Variants in TRAPPC8 observed in about 807,000 individuals in gnomAD.
TRAPPC8 encodes trafficking protein particle complex subunit 8, also known as general sporulation gene 1 homolog.
In TRAPPC8, 54 loss-of-function variants were observed where a neutral mutation model predicts 174.3. The observed-to-expected ratio is 0.31, with a 90% confidence interval of 0.25 to 0.39. The LOEUF (loss-of-function observed/expected upper bound fraction) is 0.39, where lower values mean the gene tolerates loss of function less well. Among genes scored for constraint, TRAPPC8 ranks in the 10% least tolerant of loss-of-function variants. The pLI is 1.00. For missense variants in TRAPPC8, 1,531 were observed against 1,699.1 expected (o/e 0.90, Z 1.74); for synonymous variants, 630 against 579.9 (o/e 1.09, Z -1.24).
At chr18:31,843,711 G>C (rs557811231) in intron 26 of TRAPPC8, among the ~76,000 whole-genome samples, 1 of 152,248 alleles carries the variant, frequency 6.6e-6, no homozygotes, top group South Asian at 2.1e-4. Flanking sequence ...ACTATCCCAA[G>C]AGGTTGTAGT....
chr18:31,890,701 T>C (rs201593846), intron 12 of TRAPPC8, 34 bp downstream of exon 12: 4 of 1,578,808 alleles, frequency 2.5e-6, no homozygotes, highest in East Asian at 2.3e-5. Flanking sequence ...ATAAAATAAA[T>C]AGCAACTTTT....
At chr18:31,929,042 C>A (rs530442269) in intron 2 of TRAPPC8, among the ~76,000 whole-genome samples, 1 of 151,700 alleles carries the variant, frequency 6.6e-6, no homozygotes, top group Non-Finnish European at 1.5e-5. Flanking sequence ...ATTAGCTGGG[C>A]GTGGTGGTGG....
At chr18:31,872,121 T>C (rs1377958533) in intron 14 of TRAPPC8, among the ~76,000 whole-genome samples, 1 of 152,152 alleles carries the variant, frequency 6.6e-6, no homozygotes, top group Non-Finnish European at 1.5e-5. Flanking sequence ...CATCCTTCAT[T>C]CCCTACCCTC....
chr18:31,839,160 C>A, intron 27 of TRAPPC8, 152 bp downstream of exon 27: 1 of 599,174 alleles, frequency 1.7e-6, no homozygotes, highest in Non-Finnish European at 2.6e-6. Context: ...ATTGTCTAAA[C>A]TTGAACTGTT....
chr18:31,938,513 C>T (rs116454336), intron 1 of TRAPPC8, among the ~76,000 whole-genome samples: 1,543 of 152,184 alleles, frequency 0.01, 28 homozygotes, highest in African/African-American at 0.035. Flanking sequence ...ATCTCTTCTA[C>T]CAACCCTCTC....
rs758444311 is a variant in TRAPPC8 at position 31,907,440 on chromosome 18, T to C, written c.1389+20A>G. On this transcript the variant is annotated intron_variant, in intron 9 of 28. Transcript: ENST00000283351. ...TTATGGTAGCAGAATTAAGGAATTATAATACCATAGAATACCAACCAAGGC... is the reference window on the plus strand; with the variant it reads ...TTATGGTAGCAGAATTAAGGAATTACAATACCATAGAATACCAACCAAGGC... The C allele has an allele frequency of 3.9e-6, 6 of 1,552,430 alleles. No homozygotes were observed. Among genetic ancestry groups the C allele is most frequent in the Non-Finnish European group, 5.2e-6 (6 of 1,148,644 alleles).
At chr18:31,851,382 G>C (rs1021262296) in intron 24 of TRAPPC8, among the ~76,000 whole-genome samples, 4 of 152,126 alleles carry the variant, frequency 2.6e-5, no homozygotes, top group Non-Finnish European at 4.4e-5. Context: ...CCTCACCTAG[G>C]AGCTTGTAAC....
chr18:31,892,918 G>C (rs1430739028), intron 11 of TRAPPC8, among the ~76,000 whole-genome samples: 1 of 151,844 alleles, frequency 6.6e-6, no homozygotes. Context: ...TTGGGAGGCT[G>C]AGGCAGGAGA....
At chr18:31,919,929 T>TA (rs987369734) in intron 2 of TRAPPC8, among the ~76,000 whole-genome samples, 7 of 151,876 alleles carry the variant, frequency 4.6e-5, no homozygotes, top group African/African-American at 1.2e-4. Context: ...ATCTACATTT[T>TA]AAAAAAAGGC....
Position 31,880,088 on chromosome 18 carries a change from AAAATAT to A in TRAPPC8, c.1729-5390_1729-5385del, listed in dbSNP as rs1423632773. Among the ~76,000 whole-genome samples, 9 of 61,472 alleles carry A rather than the reference AAAATAT, an allele frequency of 1.5e-4. No individual in the cohort carries two copies. In the East Asian group the frequency reaches 1.8e-3, roughly 12 times the overall value. 40.3% of individuals were successfully genotyped at this position (61,472 alleles called of 152,430 possible). On this transcript the variant is annotated intron_variant, in intron 12 of 28. Transcript: ENST00000283351. ...AATTTTACTGAAACTATTGAAAAAA[AAAATAT>A]ATATATATATATATATATATATATA...
At chr18:31,840,640 C>T (rs2033040905) in intron 26 of TRAPPC8, among the ~76,000 whole-genome samples, 1 of 152,184 alleles carries the variant, frequency 6.6e-6, no homozygotes, top group Non-Finnish European at 1.5e-5. Flanking sequence ...GAAACGCAGC[C>T]ACATCCATTT....
chr18:31,886,692 T>G (rs1479131774), intron 12 of TRAPPC8, among the ~76,000 whole-genome samples: 1 of 152,116 alleles, frequency 6.6e-6, no homozygotes. Flanking sequence ...TATAAACAAC[T>G]TCTGGGGGTG....
chr18:31,890,573 T>G (rs2035910507), intron 12 of TRAPPC8, among the ~76,000 whole-genome samples, 162 bp downstream of exon 12: 1 of 152,106 alleles, frequency 6.6e-6, no homozygotes, highest in Middle Eastern at 3.2e-3. Context: ...AGATCAAAAT[T>G]TATAGCCAGA....
chr18:31,883,224 G>GAAAAAAAA (rs397858732), intron 12 of TRAPPC8: 1 of 96,730 alleles, frequency 1.0e-5, no homozygotes. Context: ...CTTCATCTCA[G>GAAAAAAAA]AAAAAAAAAA....
intron 16 of TRAPPC8, 111 bp from the exon 17 acceptor site, chr18:31,867,587 ACTTGGTT>A: frequency 1.5e-6 from 1 of 686,586 alleles, no homozygotes; most frequent in South Asian, 2.6e-5. Context: ...GTCTGCATTT[ACTTGGTT>A]TTTACCACAT....
intron 19 of TRAPPC8, among the ~76,000 whole-genome samples, chr18:31,859,589 C>T (rs998869552): frequency 6.6e-6 from 1 of 152,030 alleles, no homozygotes; most frequent in African/African-American, 2.4e-5. Context: ...CATAGAGACA[C>T]CTAGATACCA....
chr18:31,932,997 C>CAAAAAAAA lies in TRAPPC8; in HGVS notation c.158-1482_158-1475dup, dbSNP rs35234467. 2.0e-3 allele frequency among the ~76,000 whole-genome samples: 84 copies of CAAAAAAAA among 42,686 alleles called. 7 individuals are homozygous for CAAAAAAAA. The highest frequency in any genetic ancestry group is 0.012 in the African/African-American group (81 of 6,712). 28.0% of individuals were successfully genotyped at this position (42,686 alleles called of 152,430 possible). A position where few individuals can be genotyped will look rare whatever the true frequency, so the allele number is the denominator to read the frequency against. The stretch of plus-strand genomic sequence containing the variant: ...TGGGCGACAGAGTGAGACTCCGTCT[C>CAAAAAAAA]AAAAAAAAAAAAAAAAAAAAAAAGC... On this transcript the variant is annotated intron_variant, in intron 1 of 28. Transcript: ENST00000283351.
At chr18:31,866,775 C>G in intron 18 of TRAPPC8, 74 bp downstream of exon 18, 7 of 1,516,398 alleles carry the variant, frequency 4.6e-6, no homozygotes, top group Middle Eastern at 1.8e-4. Context: ...GAAAATACAT[C>G]ATTTTTGTCC....
chr18:31,855,020 T>C (rs373138137), intron 21 of TRAPPC8, among the ~76,000 whole-genome samples: 2 of 135,296 alleles, frequency 1.5e-5, no homozygotes, highest in East Asian at 4.2e-4. Context: ...GCCAACATGG[T>C]GAAACCCTGT....
Sources: gnomAD v4.1 joint callset for allele counts (sites outside exome capture counted in the v4.1 genomes callset) on GRCh38, gnomAD v4.1.1 for gene constraint, MANE v1.5 for transcripts, NCBI Gene and HGNC (gene_info 2026-07-23, HGNC 2026-07-21) for gene names.